SPTBN1: variants seen among roughly 807,000 people sequenced by gnomAD.
The protein encoded by SPTBN1 is spectrin beta chain, non-erythrocytic 1.
In SPTBN1, 32 loss-of-function variants were observed where a neutral mutation model predicts 266.4. The ratio of observed to expected loss-of-function variants is 0.12; its 90% confidence interval spans 0.09 to 0.16. The LOEUF (loss-of-function observed/expected upper bound fraction) is 0.16, where lower values mean the gene tolerates loss of function less well. Among genes scored for constraint, SPTBN1 ranks in the 10% least tolerant of loss-of-function variants. The pLI, the probability that SPTBN1 is intolerant of heterozygous loss-of-function variation, is 1.00. For missense variants in SPTBN1, 2,296 were observed against 3,067.1 expected (o/e 0.75, Z 5.94); for synonymous variants, 1,336 against 1,162.2 (o/e 1.15, Z -3.04).
intron 19 of SPTBN1, 146 bp from the exon 20 acceptor site, chr2:54,644,177 A>G (rs1242975223): frequency 9.9e-7 from 1 of 1,009,950 alleles, no homozygotes; most frequent in East Asian, 2.6e-5. Context: ...TGTTGATTTT[A>G]TTGAGCAGTA....
At chr2:54,623,423 A>G in intron 9 of SPTBN1, 56 bp from the exon 10 acceptor site, 1 of 1,467,158 alleles carries the variant, frequency 6.8e-7, no homozygotes, top group South Asian at 1.1e-5. Flanking sequence ...AAAATGCATG[A>G]CAGTGTGAAA....
intron 1 of SPTBN1, among the ~76,000 whole-genome samples, chr2:54,519,976 C>T (rs974850039): frequency 7.2e-4 from 109 of 152,086 alleles, no homozygotes; most frequent in East Asian, 3.9e-4. Flanking sequence ...GCGTAGAGGT[C>T]GGGGCTGTGA....
At chr2:54,568,006 G>A (rs977438047) in intron 2 of SPTBN1, among the ~76,000 whole-genome samples, 4 of 152,142 alleles carry the variant, frequency 2.6e-5, no homozygotes, top group African/African-American at 9.7e-5. Flanking sequence ...CAGCATCTCA[G>A]GCCGACCTCC....
intron 1 of SPTBN1, among the ~76,000 whole-genome samples, chr2:54,504,254 A>C (rs1034887812): frequency 1.3e-5 from 2 of 152,246 alleles, no homozygotes; most frequent in African/African-American, 2.4e-5. Context: ...GCTGTTTTAC[A>C]TTCTGATGTT....
chr2:54,493,144 C>T (rs983679928), intron 1 of SPTBN1, among the ~76,000 whole-genome samples: 1 of 151,186 alleles, frequency 6.6e-6, no homozygotes, highest in Non-Finnish European at 1.5e-5. Context: ...TATCTGGGAC[C>T]ACAGGCACAC....
chr2:54,660,585 C>T (rs556440697), intron 32 of SPTBN1: 1 of 985,388 alleles, frequency 1.0e-6, no homozygotes, highest in Admixed American at 6.2e-5. Flanking sequence ...ATGAAAGATG[C>T]ATTCATTTAT....
intron 31 of SPTBN1, 124 bp downstream of exon 31, chr2:54,659,390 A>G: frequency 2.2e-6 from 2 of 926,466 alleles, no homozygotes; most frequent in African/African-American, 1.6e-5. Context: ...GATTGCTTCC[A>G]TAGACTGTTT....
chr2:54,515,203 T>TGGAGATGA (rs1670051802), intron 1 of SPTBN1, among the ~76,000 whole-genome samples: 1 of 152,092 alleles, frequency 6.6e-6, no homozygotes, highest in African/African-American at 2.4e-5. Flanking sequence ...TCTGTATTCA[T>TGGAGATGA]CTCCACCCCT....
Position 54,558,023 on chromosome 2 carries a change from G to A in SPTBN1, c.148+31457G>A. ...GCCGCGCGGGCCCGGGACCCTTGGG[G>A]CTCTTCACTCTCCAGGCCGTCCCGT... On this transcript the variant is annotated intron_variant, in intron 2 of 35. Coordinates refer to ENST00000356805, the MANE Select transcript of SPTBN1 (RefSeq NM_003128.3). The surrounding 1 kb of genome is among the most constrained non-coding windows in gnomAD (Gnocchi z 4.6). 2.0e-6 allele frequency: 2 copies of A among 985,438 alleles called. No individual in the cohort carries two copies. The highest frequency in any genetic ancestry group is 2.4e-6 in the Non-Finnish European group (2 of 829,920). 61.0% of individuals were successfully genotyped at this position (985,438 alleles called of 1,614,324 possible).
chr2:54,558,944 G>GCT lies in SPTBN1; in HGVS notation c.148+32379_148+32380dup. The GCT allele has an allele frequency of 1.3e-6, 2 of 1,575,802 alleles. No homozygotes were observed. The highest frequency in any genetic ancestry group is 1.7e-6 in the Non-Finnish European group (2 of 1,157,758). ...TGGGTGCCAACGGGGGTTCTTGGAG[G>GCT]CTTTATTTGTGACCCTAATGAAGAC... On this transcript the variant is annotated intron_variant, in intron 2 of 35. Coordinates refer to ENST00000356805, the MANE Select transcript of SPTBN1 (RefSeq NM_003128.3). This position sits in a 1 kb window ranked among gnomAD's most constrained non-coding sequence, Gnocchi z 4.6.
chr2:54,463,828 G>A (rs1455763310), intron 1 of SPTBN1, among the ~76,000 whole-genome samples: 2 of 152,108 alleles, frequency 1.3e-5, no homozygotes, highest in African/African-American at 4.8e-5. Flanking sequence ...TATACATCAT[G>A]TCAAAATAAT....
chr2:54,655,583 GC>G (rs1327632474), intron 28 of SPTBN1, among the ~76,000 whole-genome samples: 2 of 152,212 alleles, frequency 1.3e-5, no homozygotes, highest in African/African-American at 4.8e-5. Flanking sequence ...TGCGTGTGTG[GC>G]CCCCTGCATG....
chr2:54,576,173 G>A (rs1179779957), intron 2 of SPTBN1, among the ~76,000 whole-genome samples: 2 of 149,106 alleles, frequency 1.3e-5, no homozygotes, highest in East Asian at 4.0e-4. Context: ...TCCTGCCTCA[G>A]CCTCCCCAGT....
chr2:54,569,544 A>C (rs1389982149), intron 2 of SPTBN1, among the ~76,000 whole-genome samples: 1 of 152,176 alleles, frequency 6.6e-6, no homozygotes, highest in African/African-American at 2.4e-5. Flanking sequence ...AATATAGACG[A>C]GTTTTGTCTT....
chr2:54,622,259 A>T (rs1678038962), intron 8 of SPTBN1, 41 bp from the exon 9 acceptor site: 6 of 1,597,752 alleles, frequency 3.8e-6, no homozygotes, highest in Non-Finnish European at 5.1e-6. Flanking sequence ...TAACTTATGG[A>T]GTGACATGAT....
At chr2:54,530,069 G>A (rs1397869668) in intron 2 of SPTBN1, among the ~76,000 whole-genome samples, 1 of 152,042 alleles carries the variant, frequency 6.6e-6, no homozygotes, top group Non-Finnish European at 1.5e-5. Context: ...CCATAAAAAT[G>A]TACATATCAC....
At chr2:54,571,576 T>TACACACAC (rs67239523) in intron 2 of SPTBN1, among the ~76,000 whole-genome samples, 7 of 100,656 alleles carry the variant, frequency 7.0e-5, no homozygotes, top group African/African-American at 3.0e-4. Context: ...CACACACACA[T>TACACACAC]ACACACACAC....
At chr2:54,478,464 A>G (rs1667950145) in intron 1 of SPTBN1, among the ~76,000 whole-genome samples, 1 of 152,102 alleles carries the variant, frequency 6.6e-6, no homozygotes, top group Non-Finnish European at 1.5e-5. Context: ...AGTCAGAAAG[A>G]TTGTAGAGGA....
intron 2 of SPTBN1, among the ~76,000 whole-genome samples, chr2:54,571,710 G>C (rs1340075661): frequency 6.6e-6 from 1 of 152,094 alleles, no homozygotes; most frequent in East Asian, 1.9e-4. Context: ...GTGTTTGCGT[G>C]TATCTCTGTA....
Sources: allele counts gnomAD v4.1 joint callset (sites outside exome capture counted in the v4.1 genomes callset), GRCh38; gene constraint gnomAD v4.1.1; non-coding constraint Gnocchi (gnomAD v3.1); transcripts MANE v1.5; gene names NCBI Gene and HGNC (gene_info 2026-07-23, HGNC 2026-07-21).